CDS1: variants seen among roughly 807,000 people sequenced by gnomAD.
CDS1 encodes phosphatidate cytidylyltransferase 1.
In CDS1, 41 loss-of-function variants were observed where a neutral mutation model predicts 62.1. The ratio of observed to expected loss-of-function variants is 0.66; its 90% CI spans 0.51 to 0.86. The LOEUF is 0.86. Ranked by LOEUF, CDS1 falls within the 40% of genes least tolerant of loss-of-function variation. The pLI is 0.00. For synonymous variants in CDS1, 185 were observed against 192.6 expected, an observed-to-expected ratio of 0.96 and a Z score of 0.32; for missense variants, 470 against 550.1, an observed-to-expected ratio of 0.85 and a Z score of 1.46.
At chr4:84,605,885 G>T (rs781173924) in intron 2 of CDS1, among the ~76,000 whole-genome samples, 1 of 152,094 alleles carries the variant, frequency 6.6e-6, no homozygotes, top group Admixed American at 6.6e-5. Flanking sequence ...ATGTGGAAAC[G>T]TAGGCAGATA....
chr4:84,605,144 G>A (rs188816050), intron 2 of CDS1, among the ~76,000 whole-genome samples: 67 of 152,270 alleles, frequency 4.4e-4, no homozygotes, highest in African/African-American at 1.6e-3. Flanking sequence ...ACATATTGGT[G>A]TAGAAAGAAC....
Position 84,635,340 on chromosome 4 carries a change from C to G in CDS1, c.799C>G (p.Pro267Ala). ...TTTTGGATTTTTTTTTGGGAGAACTCCATTAATTAAGGTAATGGAAAAATT... is the reference window on the plus strand; with the variant it reads ...TTTTGGATTTTTTTTTGGGAGAACTGCATTAATTAAGGTAATGGAAAAATT... ...YLFGFFFGRT[P>A]LIKLSPKKTW... The change falls in exon 8 of 13, where the codon CCA (proline) becomes GCA (alanine). Residue 267 changes from proline to alanine, a missense_variant. Pro to Ala is a conservative substitution (Grantham distance 27, BLOSUM62 -1). This residue lies in a region of CDS1 where 214 missense variants were observed against 242.4 expected (regional missense o/e 0.88). Coordinates refer to ENST00000295887, the MANE Select transcript of CDS1 (RefSeq NM_001263.4). 1 of 1,523,566 alleles carries G rather than the reference C, an allele frequency of 6.6e-7. No homozygotes were observed. Among genetic ancestry groups the G allele is most frequent in the Non-Finnish European group, 9.1e-7 (1 of 1,103,544 alleles). The allele number at this position is 1,523,566 out of a possible 1,614,324, so 94.4% of individuals were successfully genotyped here. A position where few individuals can be genotyped will look rare whatever the true frequency, so the allele number is the denominator to read the frequency against.
At chr4:84,611,928 A>G (rs1029673836) in intron 3 of CDS1, among the ~76,000 whole-genome samples, 1 of 152,084 alleles carries the variant, frequency 6.6e-6, no homozygotes, top group Admixed American at 6.5e-5. Context: ...TTGGGCATTT[A>G]AGAAGCAAGT....
intron 11 of CDS1, among the ~76,000 whole-genome samples, chr4:84,645,008 G>T (rs1362398319): frequency 2.0e-5 from 3 of 152,142 alleles, no homozygotes; most frequent in Non-Finnish European, 4.4e-5. Context: ...GAATGCTGTG[G>T]GTCAATTCAG....
Position 84,631,868 on chromosome 4 carries a change from G to C in CDS1, c.630G>C (p.Gln210His). The change falls in exon 6 of 13, where the codon CAG (glutamine) becomes CAC (histidine). Residue 210 changes from glutamine (Q) to histidine (H), a missense_variant. This residue lies in a region of CDS1 where 214 missense variants were observed against 242.4 expected (regional missense o/e 0.88). Coordinates refer to ENST00000295887, the MANE Select transcript of CDS1 (RefSeq NM_001263.4). ...TGGTGAAGAAACATTATCGTCTGCA[G>C]TTTTATATGGTGTGTATTAACTATT... ...LSLVKKHYRL[Q>H]FYMFAWTHVT... 6.2e-7 allele frequency: 1 copy of C among 1,605,384 alleles called. No homozygotes were observed. Among genetic ancestry groups the C allele is most frequent in the Non-Finnish European group, 8.5e-7 (1 of 1,172,440 alleles).
intron 3 of CDS1, among the ~76,000 whole-genome samples, chr4:84,617,281 C>T (rs372526712): frequency 3.9e-5 from 6 of 152,142 alleles, no homozygotes; most frequent in Non-Finnish European, 7.4e-5. Flanking sequence ...TAGTCAACTG[C>T]GGCCAACCAG....
chr4:84,629,089 C>T (rs1259580912), intron 5 of CDS1, among the ~76,000 whole-genome samples: 1 of 152,074 alleles, frequency 6.6e-6, no homozygotes, highest in Non-Finnish European at 1.5e-5. Flanking sequence ...AATAGTTATA[C>T]AAGCATTCTT....
At chr4:84,644,259 C>T (rs1237788978) in intron 11 of CDS1, among the ~76,000 whole-genome samples, 1 of 152,164 alleles carries the variant, frequency 6.6e-6, no homozygotes, top group East Asian at 1.9e-4. Context: ...GCAGACAATA[C>T]ACTTCCCCAG....
chr4:84,631,538 T>C (rs1328032650), intron 5 of CDS1, among the ~76,000 whole-genome samples: 1 of 152,242 alleles, frequency 6.6e-6, no homozygotes, highest in East Asian at 1.9e-4. Context: ...CTGTTTTCCA[T>C]GCCCACATAT....
At chr4:84,608,273 A>G (rs1723194716) in intron 2 of CDS1, among the ~76,000 whole-genome samples, 1 of 152,214 alleles carries the variant, frequency 6.6e-6, no homozygotes, top group Non-Finnish European at 1.5e-5. Context: ...TCCCGGGTTC[A>G]CGCCATTCTC....
chr4:84,609,220 CT>C (rs1723238786), intron 2 of CDS1, among the ~76,000 whole-genome samples: 1 of 146,974 alleles, frequency 6.8e-6, no homozygotes, highest in Non-Finnish European at 1.5e-5. Context: ...AAATTATTTT[CT>C]TTCTTGGCTA....
At chr4:84,626,927 A>G (rs1231096860) in intron 5 of CDS1, among the ~76,000 whole-genome samples, 2 of 152,122 alleles carry the variant, frequency 1.3e-5, no homozygotes, top group Non-Finnish European at 2.9e-5. Flanking sequence ...CTTAGTGGCT[A>G]CTCTTGAAGT....
At chr4:84,599,403 C>CATAT (rs1478443460) in intron 1 of CDS1, among the ~76,000 whole-genome samples, 412 of 16,530 alleles carry the variant, frequency 0.025, 6 homozygotes, top group Non-Finnish European at 0.033. Context: ...GACACACACA[C>CATAT]ACATATATAT....
chr4:84,630,579 T>C (rs1411207091), intron 5 of CDS1, among the ~76,000 whole-genome samples: 1 of 152,182 alleles, frequency 6.6e-6, no homozygotes, highest in Non-Finnish European at 1.5e-5. Context: ...ATGTACAAAG[T>C]CTAGTATTTA....
At chr4:84,603,294 T>C (rs1722992295) in intron 1 of CDS1, among the ~76,000 whole-genome samples, 1 of 152,184 alleles carries the variant, frequency 6.6e-6, no homozygotes, top group African/African-American at 2.4e-5. Flanking sequence ...TGTATTTGCC[T>C]CCAGGGAATA....
intron 1 of CDS1, among the ~76,000 whole-genome samples, chr4:84,594,391 C>T (rs559753949): frequency 3.3e-5 from 5 of 152,104 alleles, no homozygotes; most frequent in African/African-American, 9.7e-5. Context: ...TGAAAGTTGT[C>T]TCAGAGCAGC....
intron 1 of CDS1, among the ~76,000 whole-genome samples, chr4:84,584,506 C>T (rs567029253): frequency 6.6e-6 from 1 of 152,286 alleles, no homozygotes; most frequent in Admixed American, 6.5e-5. Context: ...AGGTCAAGTT[C>T]GTGGCTCTTG....
chr4:84,637,283 G>C (rs1578051340), intron 8 of CDS1, among the ~76,000 whole-genome samples: 1 of 152,130 alleles, frequency 6.6e-6, no homozygotes, highest in East Asian at 1.9e-4. Context: ...TTTCGGCTTG[G>C]GAAGCTGTAT....
chr4:84,617,460 T>C, intron 3 of CDS1, 104 bp from the exon 4 acceptor site: 1 of 638,994 alleles, frequency 1.6e-6, no homozygotes, highest in Non-Finnish European at 2.8e-6. Flanking sequence ...TAAACATTGG[T>C]AGATTAAGAT....
Sources: allele counts gnomAD v4.1 joint callset (sites outside exome capture counted in the v4.1 genomes callset), GRCh38; gene constraint gnomAD v4.1.1; regional missense constraint gnomAD v4.1.1; transcripts MANE v1.5; gene names NCBI Gene and HGNC (gene_info 2026-07-23, HGNC 2026-07-21).